Variants in JAZF1 observed in about 807,000 individuals in gnomAD.
JAZF1 encodes JAZF zinc finger 1, also known as juxtaposed with another zinc finger protein 1.
A neutral mutation model predicts 26.4 loss-of-function variants in JAZF1; 8 were observed. That is an observed-to-expected ratio of 0.30 (90% CI 0.18 to 0.55). The LOEUF (loss-of-function observed/expected upper bound fraction) is 0.55. Among genes scored for constraint, JAZF1 ranks in the 20% least tolerant of loss-of-function variants. JAZF1 has a pLI of 0.94. For synonymous variants in JAZF1, 126 were observed against 122.3 expected, an observed-to-expected ratio of 1.03 and a Z score of -0.20; for missense variants, 199 against 322.0, an observed-to-expected ratio of 0.62 and a Z score of 2.92.
intron 1 of JAZF1, among the ~76,000 whole-genome samples, chr7:28,044,377 A>T (rs188634380): frequency 1.3e-5 from 2 of 152,302 alleles, no homozygotes; most frequent in African/African-American, 4.8e-5. Context: ...GATGATGATC[A>T]TACAATTTTC....
chr7:28,101,903 C>T (rs895264022), intron 1 of JAZF1, among the ~76,000 whole-genome samples: 30 of 152,006 alleles, frequency 2.0e-4, no homozygotes, highest in African/African-American at 3.9e-4. Context: ...GGGATCAATA[C>T]GGCATGGGAT....
intron 2 of JAZF1, among the ~76,000 whole-genome samples, chr7:27,938,291 T>C (rs950485347): frequency 1.3e-5 from 2 of 152,238 alleles, no homozygotes; most frequent in African/African-American, 2.4e-5. Context: ...TCCAGGAGCA[T>C]GGTTTGTTTT....
chr7:28,049,081 C>T (rs1201136024), intron 1 of JAZF1, among the ~76,000 whole-genome samples: 1 of 121,350 alleles, frequency 8.2e-6, no homozygotes, highest in Non-Finnish European at 1.7e-5. Flanking sequence ...TCCTCTCTCT[C>T]TCTCTCTCTC....
Position 27,992,092 on chromosome 7 carries a change from C to T in JAZF1, c.116-111G>A. On this transcript the variant is annotated intron_variant, in intron 1 of 4. Transcript: ENST00000283928. Reference sequence around the variant, plus strand: ...CAGAGAAAAAGATTAATTTAGTACACCACTTTTTAAAGAAAACTGAGTCGG... The same window carrying T: ...CAGAGAAAAAGATTAATTTAGTACATCACTTTTTAAAGAAAACTGAGTCGG... 2.7e-6 allele frequency: 2 copies of T among 749,734 alleles called. 1 individual carries two copies. Among genetic ancestry groups the T allele is most frequent in the South Asian group, 2.8e-5 (2 of 70,600 alleles). The allele number at this position is 749,734 out of a possible 1,614,324, so 46.4% of individuals were successfully genotyped here. A position where few individuals can be genotyped will look rare whatever the true frequency, so the allele number is the denominator to read the frequency against.
chr7:27,930,452 C>G (rs1784671874), intron 2 of JAZF1, among the ~76,000 whole-genome samples: 1 of 152,168 alleles, frequency 6.6e-6, no homozygotes, highest in Admixed American at 6.5e-5. Context: ...TTTTCCCTGA[C>G]AGTATCTCTG....
chr7:28,075,867 A>G (rs137894139), intron 1 of JAZF1, among the ~76,000 whole-genome samples: 2 of 152,364 alleles, frequency 1.3e-5, no homozygotes, highest in East Asian at 3.9e-4. Context: ...GACCACAGTG[A>G]CATCAGATCA....
chr7:28,000,598 T>TTTTCTTTC (rs149120555), intron 1 of JAZF1, among the ~76,000 whole-genome samples: 1 of 125,926 alleles, frequency 7.9e-6, no homozygotes, highest in Non-Finnish European at 1.7e-5. Flanking sequence ...CCTATTTTCT[T>TTTTCTTTC]TTTCTTTCTT....
intron 1 of JAZF1, among the ~76,000 whole-genome samples, chr7:28,123,053 C>T (rs111939837): frequency 2.1e-3 from 321 of 152,182 alleles, no homozygotes; most frequent in Middle Eastern, 0.01. Flanking sequence ...TTTCCAACTC[C>T]CCCAGCCTTC....
intron 2 of JAZF1, among the ~76,000 whole-genome samples, chr7:27,973,470 A>C (rs1047278696): frequency 6.6e-6 from 1 of 151,920 alleles, no homozygotes; most frequent in African/African-American, 2.4e-5. Context: ...GCTAATTTAA[A>C]AATTTTTTTG....
At chr7:28,014,837 T>A (rs1182265006) in intron 1 of JAZF1, among the ~76,000 whole-genome samples, 1 of 152,310 alleles carries the variant, frequency 6.6e-6, no homozygotes, top group Non-Finnish European at 1.5e-5. Context: ...CAGGAAACTA[T>A]GTTCTCTGAA....
intron 1 of JAZF1, among the ~76,000 whole-genome samples, chr7:28,144,457 A>T (rs553338079): frequency 6.6e-6 from 1 of 152,302 alleles, no homozygotes; most frequent in East Asian, 1.9e-4. Flanking sequence ...AGAGGCAGAC[A>T]TTTGCAGGAA....
chr7:27,831,770 A>C lies in JAZF1; in HGVS notation c.*1030T>G, dbSNP rs1431331475. 1 of 223,482 alleles carries C rather than the reference A, an allele frequency of 4.5e-6. No individual in the cohort carries two copies. The highest frequency in any genetic ancestry group is 6.5e-5 in the East Asian group (1 of 15,288). 13.8% of individuals were successfully genotyped at this position (223,482 alleles called of 1,614,324 possible). A position where few individuals can be genotyped will look rare whatever the true frequency, so the allele number is the denominator to read the frequency against. Reference sequence around the variant, plus strand: ...CTTAACAAAAGTGTTCATCTTTGAAACGTGCTTAGAATTTTAGTTCTGATT... The same window carrying C: ...CTTAACAAAAGTGTTCATCTTTGAACCGTGCTTAGAATTTTAGTTCTGATT... On this transcript the variant is annotated 3_prime_UTR_variant, in exon 5 of 5. Coordinates refer to ENST00000283928, the MANE Select transcript of JAZF1 (RefSeq NM_175061.4).
intron 1 of JAZF1, among the ~76,000 whole-genome samples, chr7:28,114,090 A>G (rs908123700): frequency 1.3e-5 from 2 of 152,194 alleles, no homozygotes; most frequent in African/African-American, 4.8e-5. Flanking sequence ...AACAGAAGAG[A>G]AGGACAATGG....
intron 3 of JAZF1, among the ~76,000 whole-genome samples, chr7:27,847,130 C>T (rs537072719): frequency 1.6e-4 from 24 of 149,576 alleles, no homozygotes; most frequent in African/African-American, 5.2e-4. Context: ...CAGGCATGCA[C>T]CACCCCGCCT....
chr7:28,116,559 C>T (rs1784745867), intron 1 of JAZF1, among the ~76,000 whole-genome samples: 1 of 152,098 alleles, frequency 6.6e-6, no homozygotes. Flanking sequence ...ATTCTCCTGC[C>T]TCAGCCTCTG....
intron 1 of JAZF1, among the ~76,000 whole-genome samples, chr7:28,093,793 A>G (rs968199873): frequency 1.3e-5 from 2 of 152,164 alleles, no homozygotes; most frequent in Non-Finnish European, 2.9e-5. Context: ...ATGCTTGTCC[A>G]CTGTCTCTTT....
chr7:27,940,260 C>G (rs1024839089), intron 2 of JAZF1, among the ~76,000 whole-genome samples: 1 of 150,678 alleles, frequency 6.6e-6, no homozygotes, highest in African/African-American at 2.5e-5. Flanking sequence ...TTTCTGCTCT[C>G]CTATCTTTCA....
At chr7:28,067,845 C>T (rs1783909086) in intron 1 of JAZF1, among the ~76,000 whole-genome samples, 1 of 152,126 alleles carries the variant, frequency 6.6e-6, no homozygotes, top group African/African-American at 2.4e-5. Context: ...AGGAACAGAA[C>T]CTAGACTTCA....
chr7:28,091,032 T>C (rs969019787), intron 1 of JAZF1, among the ~76,000 whole-genome samples: 1 of 151,040 alleles, frequency 6.6e-6, no homozygotes, highest in Non-Finnish European at 1.5e-5. Flanking sequence ...TTCACCTTGT[T>C]AGCCAGGATG....
Sources: gnomAD v4.1 joint callset for allele counts (sites outside exome capture counted in the v4.1 genomes callset) on GRCh38, gnomAD v4.1.1 for gene constraint, MANE v1.5 for transcripts, NCBI Gene and HGNC (gene_info 2026-07-23, HGNC 2026-07-21) for gene names.